SMU1: variants seen among roughly 807,000 people sequenced by gnomAD.
The protein encoded by SMU1 is SMU1 DNA replication regulator and spliceosomal factor.
Under a neutral mutation model 62.0 loss-of-function variants are expected in SMU1, and 2 were observed. That is an observed-to-expected ratio of 0.03 (90% CI 0.01 to 0.10). The LOEUF is 0.10. Ranked by LOEUF, SMU1 falls within the 10% of genes least tolerant of loss-of-function variation. The pLI is 1.00. For synonymous variants in SMU1, 188 were observed against 212.4 expected (o/e 0.89, Z 1.00); for missense variants, 227 against 622.1 (o/e 0.36, Z 6.76).
chr9:33,053,707 T>G (rs966313514), intron 9 of SMU1, among the ~76,000 whole-genome samples: 2 of 152,232 alleles, frequency 1.3e-5, no homozygotes, highest in Non-Finnish European at 2.9e-5. Flanking sequence ...TAGAATTTTG[T>G]GGAATTTTCT....
intron 7 of SMU1, among the ~76,000 whole-genome samples, chr9:33,057,392 C>T (rs191599947): frequency 9.8e-5 from 15 of 152,316 alleles, no homozygotes; most frequent in Non-Finnish European, 1.6e-4. Flanking sequence ...AGATCTATCA[C>T]TTACCAAGTA....
At chr9:33,061,618 A>T (rs1213252176) in intron 5 of SMU1, among the ~76,000 whole-genome samples, 2 of 152,240 alleles carry the variant, frequency 1.3e-5, no homozygotes, top group Non-Finnish European at 2.9e-5. Context: ...CACCATAGGA[A>T]GATAAAATCA....
intron 6 of SMU1, among the ~76,000 whole-genome samples, chr9:33,059,910 C>A (rs935604128): frequency 6.6e-6 from 1 of 151,816 alleles, no homozygotes; most frequent in African/African-American, 2.4e-5. Flanking sequence ...TCACGCCCAG[C>A]CTGAAAAAAA....
chr9:33,052,693 T>C (rs1437554005), intron 10 of SMU1, among the ~76,000 whole-genome samples: 1 of 152,252 alleles, frequency 6.6e-6, no homozygotes, highest in African/African-American at 2.4e-5. Flanking sequence ...GCAGGTTTTC[T>C]GATTAAAAAT....
At position 33,062,185 on chromosome 9, in the gene SMU1, G is replaced by GAA. The variant is rs112622707; in HGVS notation, c.502-10_502-9dup. The GAA allele has an allele frequency of 7.0e-4, 932 of 1,328,172 alleles. No homozygotes were observed. Among genetic ancestry groups the GAA allele is most frequent in the South Asian group, 1.0e-3 (74 of 71,700 alleles). The allele number at this position is 1,328,172 out of a possible 1,614,324, so 82.3% of individuals were successfully genotyped here. On this transcript the variant is annotated splice_polypyrimidine_tract_variant and intron_variant, in intron 4 of 11. Transcript: ENST00000397149. ...CTGCTGCCACTTCAGTGCCTATGAG[G>GAA]AAAAAAAAAAATATAGCAATCTGTT...
chr9:33,071,668 A>G, intron 3 of SMU1, 72 bp downstream of exon 3: 1 of 1,451,492 alleles, frequency 6.9e-7, no homozygotes, highest in Non-Finnish European at 9.3e-7. Context: ...AATGGTAAAA[A>G]AAAAAAAAAA....
At chr9:33,050,203 T>C (rs1013374453) in intron 10 of SMU1, among the ~76,000 whole-genome samples, 4 of 152,112 alleles carry the variant, frequency 2.6e-5, no homozygotes, top group African/African-American at 9.7e-5. Context: ...CACCTATTAT[T>C]TGAATGGCCA....
chr9:33,071,556 C>A (rs1396763145), intron 3 of SMU1, among the ~76,000 whole-genome samples, 184 bp downstream of exon 3: 2 of 149,956 alleles, frequency 1.3e-5, no homozygotes, highest in African/African-American at 4.9e-5. Context: ...GAAAACTGAA[C>A]AAAATTATTC....
In SMU1 at chr9:33,053,326, A is replaced by G. The variant is rs150928519; in HGVS notation, c.1123-36T>C. On this transcript the variant is annotated intron_variant, in intron 9 of 11. Transcript: ENST00000397149. ...GAAATTTAAGTTATAAACCTTTTTT[A>G]GGTATAAAAATTTCTAAAGTTTTAG... 5.4e-4 allele frequency: 854 copies of G among 1,585,124 alleles called. 5 individuals are homozygous for G. In the African/African-American group the frequency reaches 0.011, roughly 20 times the overall value.
chr9:33,074,554 G>A (rs989226389), intron 1 of SMU1, among the ~76,000 whole-genome samples: 1 of 152,092 alleles, frequency 6.6e-6, no homozygotes, highest in Non-Finnish European at 1.5e-5. Context: ...AGGCTGCAGT[G>A]AGCCGTGATC....
At chr9:33,053,429 C>A in intron 9 of SMU1, 139 bp from the exon 10 acceptor site, 1 of 810,134 alleles carries the variant, frequency 1.2e-6, no homozygotes, top group Non-Finnish European at 1.9e-6. Flanking sequence ...GATTTTAGGT[C>A]CAATCAAATA....
intron 6 of SMU1, among the ~76,000 whole-genome samples, chr9:33,058,572 C>G (rs535559556): frequency 2.2e-4 from 33 of 152,170 alleles, no homozygotes; most frequent in Non-Finnish European, 3.2e-4. Context: ...CAACTTCAGC[C>G]TCCCAAAGTG....
chr9:33,073,569 G>A (rs371008895), intron 2 of SMU1, 27 bp downstream of exon 2: 9 of 1,580,178 alleles, frequency 5.7e-6, no homozygotes, highest in Admixed American at 1.7e-5. Flanking sequence ...ACCAACCCAT[G>A]GGGATCAGCA....
intron 4 of SMU1, among the ~76,000 whole-genome samples, chr9:33,064,661 T>C (rs1175494611): frequency 6.6e-6 from 1 of 152,218 alleles, no homozygotes; most frequent in Non-Finnish European, 1.5e-5. Flanking sequence ...ATTATAGGTC[T>C]TTATTAAATG....
rs1460294985 is a variant in SMU1 at position 33,073,800 on chromosome 9, G to A, written c.33C>T (p.Ile11=). 6.2e-7 allele frequency: 1 copy of A among 1,613,834 alleles called. No homozygotes were observed. The highest frequency in any genetic ancestry group is 1.7e-5 in the Admixed American group (1 of 59,998). Reference sequence around the variant, plus strand: ...CCTTCAAGTACTGCATAATAAGGCGGATCACACTGAAAGAAAACAAATCGT... The same window carrying A: ...CCTTCAAGTACTGCATAATAAGGCGAATCACACTGAAAGAAAACAAATCGT... MSIEIESSDV[I]RLIMQYLKEN... is the part of the protein sequence containing the mutation. Residue 11 remains isoleucine (I), a synonymous_variant, in exon 2 of 12, where the codon ATC becomes ATT. Coordinates refer to ENST00000397149, the MANE Select transcript of SMU1 (RefSeq NM_018225.3).
chr9:33,076,642 C>T lies in SMU1; in HGVS notation c.-34G>A. ...CTCTCCGGGAGCAGGCCCCAGCTCT[C>T]CCTCAAGGCCAGTCGCGCAACACAC... is the stretch of plus-strand genomic sequence containing the variant. On this transcript the variant is annotated 5_prime_UTR_variant, in exon 1 of 12. Transcript: ENST00000397149. The T allele has an allele frequency of 1.2e-6, 2 of 1,613,694 alleles. No homozygotes were observed. The highest frequency in any genetic ancestry group is 1.3e-5 in the African/African-American group (1 of 75,044).
intron 10 of SMU1, among the ~76,000 whole-genome samples, chr9:33,048,908 T>C: frequency 6.6e-6 from 1 of 152,294 alleles, no homozygotes; most frequent in South Asian, 2.1e-4. Context: ...AATACTTAGG[T>C]ATAAATCTAA....
At chr9:33,050,615 CAGG>C (rs1322573230) in intron 10 of SMU1, among the ~76,000 whole-genome samples, 1 of 150,238 alleles carries the variant, frequency 6.7e-6, no homozygotes, top group Non-Finnish European at 1.5e-5. Context: ...ATCACGAGGT[CAGG>C]AGTTCAAGAC....
chr9:33,053,668 G>T (rs1839273579), intron 9 of SMU1, among the ~76,000 whole-genome samples: 1 of 152,180 alleles, frequency 6.6e-6, no homozygotes, highest in African/African-American at 2.4e-5. Context: ...TGTAGTACTT[G>T]GCATGGGGCA....
Sources: allele counts gnomAD v4.1 joint callset (sites outside exome capture counted in the v4.1 genomes callset), GRCh38; gene constraint gnomAD v4.1.1; transcripts MANE v1.5; gene names NCBI Gene and HGNC (gene_info 2026-07-23, HGNC 2026-07-21).